MAD1L1: variants seen among roughly 807,000 people sequenced by gnomAD.
The protein encoded by MAD1L1 is mitotic arrest deficient 1 like 1, also known as mitotic spindle assembly checkpoint protein MAD1.
A neutral mutation model predicts 96.9 loss-of-function variants in MAD1L1; 95 were observed. The ratio of observed to expected loss-of-function variants is 0.98; its 90% confidence interval spans 0.83 to 1.16. The LOEUF is 1.16. Among genes scored for constraint, MAD1L1 ranks in the 50% most tolerant of loss-of-function variants. The pLI, the probability that MAD1L1 is intolerant of heterozygous loss-of-function variation, is 0.00. For synonymous variants in MAD1L1, 473 were observed against 396.6 expected (o/e 1.19, Z -2.29); for missense variants, 1,007 against 954.4 (o/e 1.06, Z -0.73).
chr7:1,892,000 C>T (rs1379722805), intron 18 of MAD1L1, among the ~76,000 whole-genome samples: 1 of 152,192 alleles, frequency 6.6e-6, no homozygotes, highest in East Asian at 1.9e-4. Flanking sequence ...ACTCACTCAC[C>T]CTCATTCACC....
intron 10 of MAD1L1, among the ~76,000 whole-genome samples, chr7:2,196,763 A>G (rs1488054494): frequency 6.6e-6 from 1 of 152,222 alleles, no homozygotes; most frequent in Non-Finnish European, 1.5e-5. Flanking sequence ...CAGAAGTCAG[A>G]AGGCCTCGGG....
At chr7:2,178,530 G>T (rs1174451755) in intron 10 of MAD1L1, among the ~76,000 whole-genome samples, 2 of 152,222 alleles carry the variant, frequency 1.3e-5, no homozygotes, top group Non-Finnish European at 2.9e-5. Context: ...CTCAAGAAGA[G>T]GGGAATTCAC....
intron 18 of MAD1L1, among the ~76,000 whole-genome samples, chr7:1,839,976 G>A (rs2128631821): frequency 6.6e-6 from 1 of 152,338 alleles, no homozygotes; most frequent in South Asian, 2.1e-4. Context: ...TGCCCAGGCG[G>A]AGCAGGACCC....
At chr7:1,844,098 C>T (rs970169374) in intron 18 of MAD1L1, 8 of 154,506 alleles carry the variant, frequency 5.2e-5, no homozygotes, top group Non-Finnish European at 1.0e-4. Context: ...ATCCCCACAA[C>T]TCCAGGTGTG....
intron 10 of MAD1L1, among the ~76,000 whole-genome samples, chr7:2,198,876 T>G (rs1792131715): frequency 6.6e-6 from 1 of 152,112 alleles, no homozygotes; most frequent in Admixed American, 6.5e-5. Context: ...AGCTCCAAGC[T>G]ACAGAATAGG....
chr7:2,137,349 T>G (rs140955239), intron 11 of MAD1L1, among the ~76,000 whole-genome samples: 2,400 of 152,364 alleles, frequency 0.016, 62 homozygotes, highest in African/African-American at 0.055. Flanking sequence ...AGGACAGAAC[T>G]GACCCAAGCA....
chr7:1,823,284 C>G (rs1046493941), intron 18 of MAD1L1, among the ~76,000 whole-genome samples: 3 of 152,070 alleles, frequency 2.0e-5, no homozygotes, highest in Non-Finnish European at 4.4e-5. Context: ...CACGAACTTA[C>G]ATGTAAAACA....
chr7:2,134,033 A>G (rs936190600), intron 11 of MAD1L1, among the ~76,000 whole-genome samples: 7 of 152,134 alleles, frequency 4.6e-5, no homozygotes, highest in Non-Finnish European at 8.8e-5. Context: ...CTTCCCATAT[A>G]AACTTTAGAA....
intron 18 of MAD1L1, among the ~76,000 whole-genome samples, chr7:1,891,350 C>A (rs1786527312): frequency 6.6e-6 from 1 of 151,948 alleles, no homozygotes; most frequent in Non-Finnish European, 1.5e-5. Flanking sequence ...ATGGTGAAAC[C>A]CCGTCTCTAC....
intron 4 of MAD1L1, among the ~76,000 whole-genome samples, chr7:2,224,847 G>A (rs145893067): frequency 5.1e-4 from 78 of 152,262 alleles, no homozygotes; most frequent in African/African-American, 1.7e-3. Context: ...ACACAGAGCC[G>A]CCATTGAGAC....
chr7:1,859,230 G>A (rs1357172304), intron 18 of MAD1L1, among the ~76,000 whole-genome samples: 2 of 152,194 alleles, frequency 1.3e-5, no homozygotes, highest in South Asian at 2.1e-4. Flanking sequence ...TTCCCAGAAC[G>A]CTCAGGCAGA....
intron 10 of MAD1L1, among the ~76,000 whole-genome samples, chr7:2,188,320 C>T (rs1309475414): frequency 6.6e-6 from 1 of 152,166 alleles, no homozygotes; most frequent in East Asian, 1.9e-4. Context: ...AAATATTTTG[C>T]AGACATAGGA....
At chr7:2,080,763 C>T (rs952766991) in intron 11 of MAD1L1, among the ~76,000 whole-genome samples, 3 of 152,184 alleles carry the variant, frequency 2.0e-5, no homozygotes, top group African/African-American at 7.2e-5. Context: ...AATGAAGATG[C>T]GTGTGGTTGG....
intron 12 of MAD1L1, among the ~76,000 whole-genome samples, chr7:2,042,173 A>G (rs1783711569): frequency 1.3e-5 from 2 of 148,690 alleles, no homozygotes; most frequent in Non-Finnish European, 2.9e-5. Context: ...GTACACACAT[A>G]CACATGCACA....
intron 13 of MAD1L1, among the ~76,000 whole-genome samples, chr7:2,004,778 G>T (rs973442260): frequency 6.6e-6 from 1 of 152,234 alleles, no homozygotes; most frequent in Non-Finnish European, 1.5e-5. Flanking sequence ...ATTCACAAGC[G>T]GCTCATCAGC....
intron 15 of MAD1L1, among the ~76,000 whole-genome samples, chr7:1,976,650 T>G (rs1390212668): frequency 6.6e-6 from 1 of 152,238 alleles, no homozygotes; most frequent in Admixed American, 6.5e-5. Context: ...CCTGCTTTTA[T>G]TCCCTTATCT....
chr7:1,819,884 C>T (rs1782035529), intron 18 of MAD1L1, among the ~76,000 whole-genome samples: 1 of 152,010 alleles, frequency 6.6e-6, no homozygotes, highest in Admixed American at 6.6e-5. Flanking sequence ...GCTGAGGGTC[C>T]AAGAGAAACT....
In MAD1L1 at chr7:1,856,886, G is replaced by A. The variant is rs139207485; in HGVS notation, c.1999-40658C>T. 3.8e-4 allele frequency among the ~76,000 whole-genome samples: 58 copies of A among 152,250 alleles called. 1 individual carries two copies. In the South Asian group the frequency reaches 5.6e-3, roughly 15 times the overall value. Reference sequence around the variant, plus strand: ...GGGAGGGAGAGGGAGCCTGGACCTCGCTGCCTGTGTGTCCCCAGGGAGGCC... The same window carrying A: ...GGGAGGGAGAGGGAGCCTGGACCTCACTGCCTGTGTGTCCCCAGGGAGGCC... On this transcript the variant is annotated intron_variant, in intron 18 of 18. Coordinates refer to ENST00000265854, the MANE Select transcript of MAD1L1 (RefSeq NM_001013836.2).
rs547007048 is a variant in MAD1L1 at position 2,209,529 on chromosome 7, C to G, written c.986+3683G>C. The stretch of plus-strand genomic sequence containing the variant: ...AGTCAGGAACAGTGGCCACAAGCCC[C>G]TCACATCCCCATCGACCAAAACCCC... On this transcript the variant is annotated intron_variant, in intron 10 of 18. Transcript: ENST00000265854. Among the ~76,000 whole-genome samples, 18 of 152,336 alleles carry G rather than the reference C, an allele frequency of 1.2e-4. 1 individual carries two copies. The highest frequency in any genetic ancestry group is 9.1e-4 in the Admixed American group (14 of 15,304).
Sources: allele counts gnomAD v4.1 joint callset (sites outside exome capture counted in the v4.1 genomes callset), GRCh38; gene constraint gnomAD v4.1.1; transcripts MANE v1.5; gene names NCBI Gene and HGNC (gene_info 2026-07-23, HGNC 2026-07-21).